Variants in CRB1 observed in about 807,000 individuals in gnomAD.
The protein encoded by CRB1 is protein crumbs homolog 1.
In CRB1, 83 loss-of-function variants were observed where a neutral mutation model predicts 120.0. The ratio of observed to expected loss-of-function variants is 0.69; its 90% confidence interval spans 0.58 to 0.83. The LOEUF (loss-of-function observed/expected upper bound fraction) is 0.83, where lower values mean the gene tolerates loss of function less well. CRB1 is among the 40% of genes least tolerant of loss of function. The probability of loss-of-function intolerance (pLI) is 0.00; values close to 1 mark genes in which losing one functional copy is unlikely to be tolerated. For missense variants in CRB1, 1,699 were observed against 1,687.6 expected, an observed-to-expected ratio of 1.01 and a Z score of -0.12; for synonymous variants, 625 against 612.5, an observed-to-expected ratio of 1.02 and a Z score of -0.30.
upstream of CRB1, among the ~76,000 whole-genome samples, chr1:197,268,041 A>G (rs2125193475): frequency 6.6e-6 from 1 of 152,356 alleles, no homozygotes; most frequent in Non-Finnish European, 1.5e-5. Flanking sequence ...GGCAGTTATC[A>G]GAAATTAATC....
At chr1:197,344,059 C>T (rs949571) in intron 2 of CRB1, among the ~76,000 whole-genome samples, 84,988 of 152,190 alleles carry the variant, frequency 0.56, 27,512 homozygotes, top group South Asian at 0.81. Context: ...CTAAACACCA[C>T]AAGCTGTTGT....
chr1:197,454,566 A>G (rs558755517), intron 11 of CRB1, among the ~76,000 whole-genome samples: 9 of 152,306 alleles, frequency 5.9e-5, no homozygotes, highest in African/African-American at 1.4e-4. Context: ...TCTGAATAGA[A>G]TGGAAACAGG....
chr1:197,438,847 G>A lies in CRB1; in HGVS notation c.3878+172G>A, dbSNP rs989133753. 1.3e-5 allele frequency: 9 copies of A among 676,860 alleles called. No homozygotes were observed. In the African/African-American group the frequency reaches 1.5e-4, roughly 11 times the overall value. 41.9% of individuals were successfully genotyped at this position (676,860 alleles called of 1,614,324 possible). A position where few individuals can be genotyped will look rare whatever the true frequency, so the allele number is the denominator to read the frequency against. On this transcript the variant is annotated intron_variant, in intron 10 of 11. Transcript: ENST00000367400. ...AAAAAAGAAGAAAAACTACAGTTTAGGTCAAAGGGGAGAACATTTTATTAG... is the reference window on the plus strand; with the variant it reads ...AAAAAAGAAGAAAAACTACAGTTTAAGTCAAAGGGGAGAACATTTTATTAG...
intron 1 of CRB1, among the ~76,000 whole-genome samples, chr1:197,303,272 T>TCCCTCCC (rs1222062941): frequency 9.4e-6 from 1 of 105,880 alleles, no homozygotes; most frequent in African/African-American, 3.7e-5. Context: ...CCTAATGCTA[T>TCCCTCCC]CCCTCCCCCC....
chr1:197,335,435 A>G (rs1659095904), intron 2 of CRB1, among the ~76,000 whole-genome samples: 1 of 152,210 alleles, frequency 6.6e-6, no homozygotes, highest in African/African-American at 2.4e-5. Flanking sequence ...ACAATAGTCC[A>G]AGAAAATCCA....
At chr1:197,267,444 T>C (rs1238190192), upstream of CRB1, among the ~76,000 whole-genome samples, 4 of 152,184 alleles carry the variant, frequency 2.6e-5, no homozygotes, top group Non-Finnish European at 5.9e-5. Context: ...ATATATGTTA[T>C]ATAGTTAAAT....
chr1:197,426,893 T>TA (rs879580771), intron 6 of CRB1, among the ~76,000 whole-genome samples: 1 of 152,208 alleles, frequency 6.6e-6, no homozygotes, highest in Admixed American at 6.5e-5. Context: ...GTAACTAGCC[T>TA]AAATCACATG....
chr1:197,465,498 T>A (rs1666714290), intron 11 of CRB1, among the ~76,000 whole-genome samples: 1 of 152,196 alleles, frequency 6.6e-6, no homozygotes, highest in East Asian at 1.9e-4. Flanking sequence ...AAATACTATT[T>A]CAATAAATCC....
the CRB1 span, among the ~76,000 whole-genome samples, chr1:197,234,950 T>C: frequency 6.6e-6 from 1 of 152,210 alleles, no homozygotes; most frequent in African/African-American, 2.4e-5. Context: ...TCCTATCCCA[T>C]ACCACTGAGC....
chr1:197,347,453 A>C lies in CRB1; in HGVS notation c.962A>C (p.Asp321Ala). 1 of 1,614,178 alleles carries C rather than the reference A, an allele frequency of 6.2e-7. No homozygotes were observed. Among genetic ancestry groups the C allele is most frequent in the Non-Finnish European group, 8.5e-7 (1 of 1,180,002 alleles). The change falls in exon 4 of 12, where the codon GAC becomes GCC. Residue 321 changes from aspartate (D) to alanine (A), a missense_variant. Coordinates refer to ENST00000367400, the MANE Select transcript of CRB1 (RefSeq NM_201253.3). The part of the protein sequence containing the change: ...HNNATCEDSV[D>A]NYTCHCWPGY... ...AATGCTACATGTGAGGACAGTGTTG[A>C]CAATTACACTTGTCACTGCTGGCCT...
intron 1 of CRB1, among the ~76,000 whole-genome samples, chr1:197,313,982 G>C (rs1657698961): frequency 6.6e-6 from 1 of 152,192 alleles, no homozygotes; most frequent in Non-Finnish European, 1.5e-5. Flanking sequence ...AACTAGCACA[G>C]TTAAAACCAG....
chr1:197,254,165 T>G, the CRB1 span, among the ~76,000 whole-genome samples: 1 of 152,090 alleles, frequency 6.6e-6, no homozygotes, highest in Non-Finnish European at 1.5e-5. Context: ...CACTTGTATT[T>G]GATAGAAAGC....
chr1:197,316,186 C>CA (rs1337835296), intron 1 of CRB1, among the ~76,000 whole-genome samples: 2 of 149,158 alleles, frequency 1.3e-5, no homozygotes, highest in African/African-American at 4.9e-5. Flanking sequence ...ATTTCAAAGT[C>CA]AGACTTTTTT....
intron 5 of CRB1, among the ~76,000 whole-genome samples, chr1:197,370,989 T>A (rs1257219475): frequency 2.0e-5 from 3 of 152,214 alleles, no homozygotes; most frequent in Non-Finnish European, 4.4e-5. Flanking sequence ...TTATCGCTGA[T>A]AACCTTCCTA....
At chr1:197,476,397 T>TGTGTGTGC (rs1553269046) in intron 11 of CRB1, among the ~76,000 whole-genome samples, 58 of 146,012 alleles carry the variant, frequency 4.0e-4, no homozygotes, top group South Asian at 3.1e-3. Context: ...TGTGTGTGTG[T>TGTGTGTGC]GCGCGTCTTC....
chr1:197,304,123 A>G (rs1292967167), intron 1 of CRB1, among the ~76,000 whole-genome samples: 1 of 152,214 alleles, frequency 6.6e-6, no homozygotes. Context: ...GATATGTGGT[A>G]ATACTATTGG....
chr1:197,225,913 T>G, the CRB1 span, among the ~76,000 whole-genome samples: 3 of 152,156 alleles, frequency 2.0e-5, no homozygotes, highest in Non-Finnish European at 4.4e-5. Flanking sequence ...TTTTTTTTCT[T>G]TTTTTCAGAC....
At chr1:197,260,689 CAACT>C in the CRB1 span, among the ~76,000 whole-genome samples, 1 of 151,450 alleles carries the variant, frequency 6.6e-6, no homozygotes, top group Non-Finnish European at 1.5e-5. Flanking sequence ...GGAAATGCTA[CAACT>C]AACTAATTTT....
rs748711102 is a variant in CRB1, at chr1:197,360,940, C to T, written c.1171+3927C>T. Among the ~76,000 whole-genome samples, 27 of 152,316 alleles carry T rather than the reference C, an allele frequency of 1.8e-4. No individual in the cohort carries two copies. The Middle Eastern group carries it at 0.017, about 96-fold the overall frequency. Reference sequence around the variant, plus strand: ...CAAGTTGAAGTAGTTCCTCTCTACTCCTAACTTGCTAAGAGTTTTTAATCA... The same window carrying T: ...CAAGTTGAAGTAGTTCCTCTCTACTTCTAACTTGCTAAGAGTTTTTAATCA... On this transcript the variant is annotated intron_variant, in intron 5 of 11. Transcript: ENST00000367400.
Sources: allele counts gnomAD v4.1 joint callset (sites outside exome capture counted in the v4.1 genomes callset), GRCh38; gene constraint gnomAD v4.1.1; transcripts MANE v1.5; gene names NCBI Gene and HGNC (gene_info 2026-07-23, HGNC 2026-07-21).